Variants in PDZD2 observed in about 807,000 individuals in gnomAD.
PDZD2 encodes PDZ domain-containing protein 2.
Under a neutral mutation model 220.7 loss-of-function variants are expected in PDZD2, and 90 were observed. The observed-to-expected ratio is 0.41, with a 90% CI of 0.34 to 0.49. The LOEUF is 0.49. PDZD2 is among the 20% of genes least tolerant of loss of function. PDZD2 has a pLI of 0.28. For missense variants in PDZD2, 3,174 were observed against 3,608.5 expected (o/e 0.88, Z 3.08); for synonymous variants, 1,375 against 1,450.5 (o/e 0.95, Z 1.18).
chr5:31,879,377 ACT>A (rs1368949852), intron 2 of PDZD2, among the ~76,000 whole-genome samples: 4 of 136,652 alleles, frequency 2.9e-5, no homozygotes, highest in South Asian at 2.5e-4. Context: ...ACAGAGCGAG[ACT>A]CTGTCTCAAA....
At chr5:31,648,040 A>G (rs1175146144) in intron 1 of PDZD2, among the ~76,000 whole-genome samples, 1 of 152,200 alleles carries the variant, frequency 6.6e-6, no homozygotes, top group Non-Finnish European at 1.5e-5. Context: ...AGATGCTGGT[A>G]ACAGTAGTTG....
chr5:32,069,854 A>G (rs1414353960), intron 15 of PDZD2, among the ~76,000 whole-genome samples: 1 of 152,222 alleles, frequency 6.6e-6, no homozygotes, highest in African/African-American at 2.4e-5. Flanking sequence ...AGATCTAATC[A>G]TGCATGCTTC....
chr5:31,788,061 T>C (rs755318550), intron 1 of PDZD2, among the ~76,000 whole-genome samples: 4 of 152,110 alleles, frequency 2.6e-5, no homozygotes, highest in Non-Finnish European at 4.4e-5. Context: ...GAGTCAGCCA[T>C]GTAGGCAGAT....
intron 2 of PDZD2, among the ~76,000 whole-genome samples, chr5:31,884,128 G>A (rs748830648): frequency 1.1e-4 from 16 of 152,106 alleles, no homozygotes; most frequent in South Asian, 2.1e-4. Flanking sequence ...CCGGAGAATC[G>A]CTTGAACCCA....
At chr5:31,847,844 T>C (rs1757677206) in intron 2 of PDZD2, 1 of 543,206 alleles carries the variant, frequency 1.8e-6, no homozygotes. Context: ...AATGCAGAAG[T>C]TAATGCATTG....
intron 1 of PDZD2, among the ~76,000 whole-genome samples, chr5:31,652,891 A>G (rs1745405225): frequency 6.6e-6 from 1 of 152,160 alleles, no homozygotes. Context: ...ACACGCCTGT[A>G]GTCTCAGCTG....
intron 2 of PDZD2, among the ~76,000 whole-genome samples, chr5:31,955,177 C>G (rs1207923429): frequency 6.6e-6 from 1 of 152,114 alleles, no homozygotes; most frequent in Non-Finnish European, 1.5e-5. Context: ...AGGCTTCTTT[C>G]TAGCTGAGCC....
Position 31,805,574 on chromosome 5 carries a change from T to C in PDZD2, c.476+5850T>C, listed in dbSNP as rs1207687642. 2.6e-5 allele frequency among the ~76,000 whole-genome samples: 4 copies of C among 152,268 alleles called. No individual in the cohort carries two copies. In the East Asian group the frequency reaches 7.7e-4, roughly 29 times the overall value. ...ACTTACCTGCCAGCGTGATAAATGGTCCACACTAGCATATACAGCTGTCGT... is the reference window on the plus strand; with the variant it reads ...ACTTACCTGCCAGCGTGATAAATGGCCCACACTAGCATATACAGCTGTCGT... On this transcript the variant is annotated intron_variant, in intron 2 of 24. Transcript: ENST00000438447.
Position 31,963,599 on chromosome 5 carries a change from G to T in PDZD2, c.477-19556G>T, listed in dbSNP as rs991355712. ...CTCGCTGGGATGGGCAGCCTCCCAG[G>T]CTCCACCTTGAGTCTTGGGGCAATT... On this transcript the variant is annotated intron_variant, in intron 2 of 24. Coordinates refer to ENST00000438447, the MANE Select transcript of PDZD2 (RefSeq NM_178140.4). 3.9e-5 allele frequency among the ~76,000 whole-genome samples: 6 copies of T among 152,170 alleles called. 1 individual carries two copies. In the South Asian group the frequency reaches 1.0e-3, roughly 26 times the overall value.
intron 2 of PDZD2, among the ~76,000 whole-genome samples, chr5:31,863,490 T>C (rs183779207): frequency 1.1e-4 from 16 of 152,350 alleles, no homozygotes; most frequent in Admixed American, 6.5e-4. Flanking sequence ...ATTATATACC[T>C]GTCTCTTCGA....
intron 1 of PDZD2, among the ~76,000 whole-genome samples, chr5:31,761,065 A>AG (rs201152928): frequency 6.6e-6 from 1 of 152,134 alleles, no homozygotes; most frequent in African/African-American, 2.4e-5. Context: ...GGCACATAGT[A>AG]GGGGTGGTGG....
At chr5:31,950,773 C>T (rs1361453005) in intron 2 of PDZD2, among the ~76,000 whole-genome samples, 1 of 152,196 alleles carries the variant, frequency 6.6e-6, no homozygotes, top group Non-Finnish European at 1.5e-5. Flanking sequence ...CATCTTTTTC[C>T]TAATCCCCAG....
chr5:31,988,441 T>TG (rs35769390), intron 3 of PDZD2, among the ~76,000 whole-genome samples: 79,957 of 146,212 alleles, frequency 0.55, 22,146 homozygotes, highest in Admixed American at 0.63. Flanking sequence ...GAGATGGGGG[T>TG]GGGGGGGGTG....
At position 32,062,461 on chromosome 5, in the gene PDZD2, A is replaced by G. The variant is rs1394591392; in HGVS notation, c.2451+1327A>G. Among the ~76,000 whole-genome samples, 4 of 149,974 alleles carry G rather than the reference A, an allele frequency of 2.7e-5. No individual in the cohort carries two copies. The South Asian group carries it at 6.3e-4, about 24-fold the overall frequency. On this transcript the variant is annotated intron_variant, in intron 14 of 24. Coordinates refer to ENST00000438447, the MANE Select transcript of PDZD2 (RefSeq NM_178140.4). ...CAGGCTGGAGTGCAATGGCACAATC[A>G]TGGCTCACTGCAACCTCGACTTCCC...
At chr5:31,666,049 G>T (rs915587697) in intron 1 of PDZD2, among the ~76,000 whole-genome samples, 1 of 152,228 alleles carries the variant, frequency 6.6e-6, no homozygotes, top group Non-Finnish European at 1.5e-5. Flanking sequence ...CATCAGTTCA[G>T]GAACCTACAT....
chr5:31,649,968 A>T (rs923892574), intron 1 of PDZD2, among the ~76,000 whole-genome samples: 8 of 148,756 alleles, frequency 5.4e-5, no homozygotes, highest in African/African-American at 1.7e-4. Context: ...AAAAAAATTA[A>T]GTCTCAGGGC....
chr5:31,857,018 C>G (rs1023157442), intron 2 of PDZD2, among the ~76,000 whole-genome samples: 1 of 151,864 alleles, frequency 6.6e-6, no homozygotes. Flanking sequence ...ACTTCCAGTT[C>G]TTTGTCTTTT....
intron 2 of PDZD2, among the ~76,000 whole-genome samples, chr5:31,821,444 G>T (rs550471921): frequency 6.6e-6 from 1 of 151,608 alleles, no homozygotes; most frequent in African/African-American, 2.4e-5. Context: ...GCAATGGCGC[G>T]ATCTTGGCTC....
chr5:31,669,033 G>C (rs1194815076), intron 1 of PDZD2, among the ~76,000 whole-genome samples: 2 of 152,130 alleles, frequency 1.3e-5, no homozygotes, highest in Non-Finnish European at 2.9e-5. Flanking sequence ...TGCCCCAGGG[G>C]ACACTGGCAA....
Sources: gnomAD v4.1 joint callset for allele counts (sites outside exome capture counted in the v4.1 genomes callset) on GRCh38, gnomAD v4.1.1 for gene constraint, MANE v1.5 for transcripts, NCBI Gene and HGNC (gene_info 2026-07-23, HGNC 2026-07-21) for gene names.